Variants in ADAM8 observed in about 807,000 individuals in gnomAD.
The protein encoded by ADAM8 is disintegrin and metalloproteinase domain-containing protein 8.
In ADAM8, 104 loss-of-function variants were observed where a neutral mutation model predicts 102.4. The observed-to-expected ratio is 1.02, with a 90% CI of 0.87 to 1.20. The LOEUF is 1.20. ADAM8 is among the 50% of genes most tolerant of loss of function. The pLI is 0.00. For missense variants in ADAM8, 1,132 were observed against 1,159.0 expected (o/e 0.98, Z 0.34); for synonymous variants, 517 against 485.2 (o/e 1.07, Z -0.86).
intron 18 of ADAM8, chr10:133,269,240 G>T: frequency 6.3e-6 from 6 of 946,294 alleles, no homozygotes; most frequent in Non-Finnish European, 7.6e-6. Context: ...CTCGGCCACT[G>T]CCTCCCTCTG....
At chr10:133,267,903 A>T (rs1389940871) in intron 20 of ADAM8, 26 bp downstream of exon 20, 13 of 1,258,280 alleles carry the variant, frequency 1.0e-5, no homozygotes, top group Non-Finnish European at 1.3e-5. Context: ...TTTCGGCCTC[A>T]TGAACCCGCC....
At chr10:133,275,668 G>T in intron 1 of ADAM8, 81 bp from the exon 2 acceptor site, 1 of 730,130 alleles carries the variant, frequency 1.4e-6, no homozygotes, top group Non-Finnish European at 2.1e-6. Flanking sequence ...CTCAGATTCT[G>T]TCTCTTGCTG....
intron 18 of ADAM8, 122 bp from the exon 19 acceptor site, chr10:133,268,984 G>A (rs1179329207): frequency 1.3e-6 from 2 of 1,486,138 alleles, no homozygotes; most frequent in African/African-American, 2.8e-5. Flanking sequence ...ACCCCTCAGG[G>A]AGGACCTGGT....
chr10:133,271,337 G>A (rs1376884250), intron 12 of ADAM8, 48 bp from the exon 13 acceptor site: 2 of 1,578,288 alleles, frequency 1.3e-6, no homozygotes, highest in African/African-American at 1.3e-5. Context: ...GGCCGGGCTG[G>A]GCTCCAGGGC....
chr10:133,274,245 G>A lies in ADAM8; in HGVS notation c.151-10C>T, dbSNP rs1358153949. 5.2e-6 allele frequency: 8 copies of A among 1,541,078 alleles called. No homozygotes were observed. Among genetic ancestry groups the A allele is most frequent in the African/African-American group, 2.8e-5 (2 of 72,634 alleles). ...TCTCTGGGTGCAGGCCCTGAGCGAGGAGGGAAGGGTCCCAGGTGAGCAGCC... is the reference window on the plus strand; with the variant it reads ...TCTCTGGGTGCAGGCCCTGAGCGAGAAGGGAAGGGTCCCAGGTGAGCAGCC... On this transcript the variant is annotated splice_polypyrimidine_tract_variant and intron_variant, in intron 2 of 22. Coordinates refer to ENST00000445355, the MANE Select transcript of ADAM8 (RefSeq NM_001109.5).
chr10:133,269,163 G>A (rs1260767194), intron 18 of ADAM8: 2 of 985,332 alleles, frequency 2.0e-6, no homozygotes, highest in Non-Finnish European at 2.4e-6. Context: ...CAGGGCCCCG[G>A]GCCGAGGAGG....
chr10:133,269,535 G>A lies in ADAM8; in HGVS notation c.1864-6C>T, dbSNP rs1346179925. On this transcript the variant is annotated splice_region_variant and splice_polypyrimidine_tract_variant and intron_variant, in intron 17 of 22. Coordinates refer to ENST00000445355, the MANE Select transcript of ADAM8 (RefSeq NM_001109.5). ...TCCTGCTTGTGGTTGCACACCTGCG[G>A]GGACGGCTGGGCTCAGGGCCAACCC... 6.3e-7 allele frequency: 1 copy of A among 1,590,232 alleles called. No homozygotes were observed. Among genetic ancestry groups the A allele is most frequent in the East Asian group, 2.2e-5 (1 of 44,512 alleles).
At chr10:133,263,626 C>CGTGGGGAGGCCGTGCCACTGTCAGCCCT (rs1444160473) in intron 22 of ADAM8, 62 bp downstream of exon 22, 17 of 1,474,948 alleles carry the variant, frequency 1.2e-5, no homozygotes, top group South Asian at 6.6e-5. Context: ...CCGTCAGCCC[C>CGTGGGGAGGCCGTGCCACTGTCAGCCCT]GTGGGGAGGC....
In ADAM8 at chr10:133,272,228, C is replaced by T. The variant is rs776321211; in HGVS notation, c.922G>A (p.Ala308Thr). Residue 308 changes from alanine to threonine, a missense_variant, in exon 10 of 23, where the codon GCC becomes ACC. Transcript: ENST00000445355. ...GTTVGFARVS[A>T]MCSHSSGAVN... ...GCCCCTGAGCTGTGGGAGCACATGG[C>T]GGACACCCTGGCAAACCCCACGGTA... 2.6e-6 allele frequency: 4 copies of T among 1,548,738 alleles called. No homozygotes were observed. The highest frequency in any genetic ancestry group is 2.4e-5 in the East Asian group (1 of 40,890).
intron 21 of ADAM8, 115 bp from the exon 22 acceptor site, chr10:133,263,880 C>G: frequency 3.2e-6 from 3 of 949,596 alleles, no homozygotes; most frequent in Middle Eastern, 2.2e-4. Context: ...CTCTGCCCCC[C>G]AGGGAGCCTG....
At position 133,269,442 on chromosome 10, in the gene ADAM8, T is replaced by C; in HGVS notation, c.1948+3A>G. On this transcript the variant is annotated splice_donor_region_variant and intron_variant, in intron 18 of 22. Transcript: ENST00000445355. ...CCCACCTGCGCTGGCCAGGGAGGCC[T>C]ACCTGCGTGCACCTCAGTCAGCAGC... 1 of 1,585,714 alleles carries C rather than the reference T, an allele frequency of 6.3e-7. No homozygotes were observed. The highest frequency in any genetic ancestry group is 1.3e-5 in the African/African-American group (1 of 74,570).
chr10:133,263,642 C>CACTGTCAGCCCCGTGG (rs59673054), intron 22 of ADAM8, 46 bp downstream of exon 22: 24 of 1,481,852 alleles, frequency 1.6e-5, no homozygotes, highest in South Asian at 2.6e-5. Flanking sequence ...GAGGCCGTGC[C>CACTGTCAGCCCCGTGG]GTCCATTGCA....
chr10:133,269,533 C>T lies in ADAM8; in HGVS notation c.1864-4G>A, dbSNP rs367553319. The T allele has an allele frequency of 2.0e-5, 32 of 1,591,792 alleles. No individual in the cohort carries two copies. The Middle Eastern group carries it at 1.3e-3, about 66-fold the overall frequency. On this transcript the variant is annotated splice_region_variant and splice_polypyrimidine_tract_variant and intron_variant, in intron 17 of 22. Transcript: ENST00000445355. Reference sequence around the variant, plus strand: ...ACTCCTGCTTGTGGTTGCACACCTGCGGGGACGGCTGGGCTCAGGGCCAAC... The same window carrying T: ...ACTCCTGCTTGTGGTTGCACACCTGTGGGGACGGCTGGGCTCAGGGCCAAC...
chr10:133,267,577 C>T (rs1846364581), intron 20 of ADAM8, among the ~76,000 whole-genome samples, 160 bp from the exon 21 acceptor site: 1 of 152,256 alleles, frequency 6.6e-6, no homozygotes, highest in Admixed American at 6.5e-5. Flanking sequence ...CGCCCCATTC[C>T]TCCCCTCAGC....
rs537256475 is a variant in ADAM8, at chr10:133,275,131, C to G, written c.150+353G>C. ...TAGCCCTGGGAAACCCCCGCCAGGC[C>G]CCCCCCCCAACACAGGAAGGTGTGT... On this transcript the variant is annotated intron_variant, in intron 2 of 22. Transcript: ENST00000445355. The G allele has an allele frequency of 1.8e-4, 61 of 333,354 alleles. 1 individual carries two copies. Among genetic ancestry groups the G allele is most frequent in the South Asian group, 1.2e-3 (40 of 32,076 alleles). 20.6% of individuals were successfully genotyped at this position (333,354 alleles called of 1,614,324 possible).
intron 6 of ADAM8, 78 bp from the exon 7 acceptor site, chr10:133,273,097 T>C: frequency 6.2e-7 from 1 of 1,605,522 alleles, no homozygotes; most frequent in East Asian, 2.2e-5. Context: ...CCGGGGCCAC[T>C]GTCCAGCCCC....
chr10:133,271,026 A>G lies in ADAM8; in HGVS notation c.1419T>C (p.Cys473=). The G allele has an allele frequency of 6.2e-7, 1 of 1,612,760 alleles. No individual in the cohort carries two copies. The highest frequency in any genetic ancestry group is 8.5e-7 in the Non-Finnish European group (1 of 1,179,940). ...GELCRPKKDM[C]DLEEFCDGRH... ...GGCCGTCACAGAACTCCTCGAGGTC[A>G]CACATGTCCTTCTTGGGACGGCACA... The change falls in exon 14 of 23, where the codon TGT becomes TGC. Residue 473 remains cysteine, a synonymous_variant. Coordinates refer to ENST00000445355, the MANE Select transcript of ADAM8 (RefSeq NM_001109.5).
intron 2 of ADAM8, among the ~76,000 whole-genome samples, chr10:133,274,561 C>A (rs1846677743): frequency 6.6e-6 from 1 of 151,468 alleles, no homozygotes; most frequent in Non-Finnish European, 1.5e-5. Flanking sequence ...CCGGCGGAGC[C>A]CAGCACTTGG....
chr10:133,272,844 G>A lies in ADAM8; in HGVS notation c.659C>T (p.Ala220Val), dbSNP rs1397299075. 1.2e-6 allele frequency: 2 copies of A among 1,611,166 alleles called. No individual in the cohort carries two copies. The highest frequency in any genetic ancestry group is 1.3e-5 in the African/African-American group (1 of 74,820). ...CTCCAGCACCCGATGACGCACGGCT[G>A]CTTCGCTCCCCAGCATCTGGAACTG... ...NAEFQMLGSE[A>V]AVRHRVLEVV... is the part of the protein sequence containing the mutation. Residue 220 changes from alanine (A) to valine (V), a missense_variant, in exon 8 of 23, where the codon GCA becomes GTA. Coordinates refer to ENST00000445355, the MANE Select transcript of ADAM8 (RefSeq NM_001109.5).
Sources: allele counts gnomAD v4.1 joint callset (sites outside exome capture counted in the v4.1 genomes callset), GRCh38; gene constraint gnomAD v4.1.1; transcripts MANE v1.5; gene names NCBI Gene and HGNC (gene_info 2026-07-23, HGNC 2026-07-21).